The following FAM120A variants were observed in gnomAD, a reference collection of about 807,000 sequenced individuals.
FAM120A encodes constitutive coactivator of PPAR-gamma-like protein 1.
FAM120A carries 15 observed loss-of-function variants against 109.7 expected under a neutral mutation model. The ratio of observed to expected loss-of-function variants is 0.14; its 90% CI spans 0.09 to 0.21. The LOEUF (loss-of-function observed/expected upper bound fraction) is 0.21, where lower values mean the gene tolerates loss of function less well. Among genes scored for constraint, FAM120A ranks in the 10% least tolerant of loss-of-function variants. The probability of loss-of-function intolerance (pLI) is 1.00; values close to 1 mark genes in which losing one functional copy is unlikely to be tolerated. For missense variants in FAM120A, 899 were observed against 1,439.3 expected (o/e 0.62, Z 6.07); for synonymous variants, 493 against 572.8 (o/e 0.86, Z 1.99).
At chr9:93,514,224 A>G (rs1374418878) in intron 5 of FAM120A, among the ~76,000 whole-genome samples, 4 of 152,176 alleles carry the variant, frequency 2.6e-5, no homozygotes, top group African/African-American at 7.2e-5. Flanking sequence ...CTCATTCACT[A>G]TCATTAGAAG....
chr9:93,499,636 ATATT>A (rs1712019728), intron 5 of FAM120A, among the ~76,000 whole-genome samples: 2 of 152,214 alleles, frequency 1.3e-5, no homozygotes, highest in Non-Finnish European at 2.9e-5. Flanking sequence ...GGAAATAAAA[ATATT>A]TATAAGCTGT....
At chr9:93,454,414 G>A (rs1857453690) in intron 1 of FAM120A, among the ~76,000 whole-genome samples, 1 of 152,018 alleles carries the variant, frequency 6.6e-6, no homozygotes. Flanking sequence ...CAGTGATGTG[G>A]GGGGTTGGCG....
chr9:93,550,730 C>T lies in FAM120A; in HGVS notation c.2274+39C>T, dbSNP rs7038564. 83,704 of 1,529,094 alleles carry T rather than the reference C, an allele frequency of 0.055. 8,371 individuals carry two copies. The highest frequency in any genetic ancestry group is 0.43 in the African/African-American group (31,760 of 73,326). The allele number at this position is 1,529,094 out of a possible 1,614,324, so 94.7% of individuals were successfully genotyped here. The stretch of plus-strand genomic sequence containing the variant: ...CTCATTGCATTGTCTTGGACAGTCT[C>T]ACTTTGGATTTTGGTGTAATACTGC... On this transcript the variant is annotated intron_variant, in intron 12 of 17. Coordinates refer to ENST00000277165, the MANE Select transcript of FAM120A (RefSeq NM_014612.5).
intron 11 of FAM120A, among the ~76,000 whole-genome samples, chr9:93,544,941 G>A (rs532409274): frequency 1.3e-5 from 2 of 152,262 alleles, no homozygotes; most frequent in East Asian, 1.9e-4. Context: ...CCCTGTAAAG[G>A]TTTCACTCCT....
chr9:93,547,065 T>C (rs1330955945), intron 11 of FAM120A, among the ~76,000 whole-genome samples: 3 of 152,148 alleles, frequency 2.0e-5, no homozygotes, highest in Non-Finnish European at 4.4e-5. Context: ...ATCAGTCAAA[T>C]CTCTAGAATC....
At chr9:93,562,361 C>A in intron 17 of FAM120A, 57 bp downstream of exon 17, 1 of 1,366,562 alleles carries the variant, frequency 7.3e-7, no homozygotes, top group South Asian at 1.2e-5. Flanking sequence ...TGTCTCCTGT[C>A]TGAGCTTGCA....
In FAM120A at chr9:93,564,233, G is replaced by A. The variant is rs372369276; in HGVS notation, c.3050G>A (p.Arg1017Lys). ...GTTGTCCTTCATTTTAAACAGGGCAGACCTCCTTATGCTGCTTCAGCAGAA... is the reference window on the plus strand; with the variant it reads ...GTTGTCCTTCATTTTAAACAGGGCAAACCTCCTTATGCTGCTTCAGCAGAA... ...GYKNQAAIQG[R>K]PPYAASAEEV... The change falls in exon 18 of 18, where the codon AGA (arginine) becomes AAA (lysine). Residue 1017 changes from arginine (R) to lysine (K), a missense_variant. Physicochemically the swap from Arg to Lys is conservative, Grantham distance 26. Coordinates refer to ENST00000277165, the MANE Select transcript of FAM120A (RefSeq NM_014612.5). The A allele has an allele frequency of 3.1e-6, 5 of 1,608,350 alleles. No homozygotes were observed. The highest frequency in any genetic ancestry group is 4.3e-6 in the Non-Finnish European group (5 of 1,175,024).
intron 1 of FAM120A, among the ~76,000 whole-genome samples, chr9:93,465,541 C>T (rs1451140385): frequency 6.6e-6 from 1 of 152,066 alleles, no homozygotes; most frequent in African/African-American, 2.4e-5. Context: ...AATAGTCTTT[C>T]AGCTGATGTA....
Position 93,550,654 on chromosome 9 carries a change from C to A in FAM120A, c.2237C>A (p.Pro746His), listed in dbSNP as rs143135666. ...LDAFLAQALSPKLYEPDQLQE... is the reference protein window; with the variant it reads ...LDAFLAQALSHKLYEPDQLQE... ...GCCTTCCTGGCTCAGGCGCTGTCCC[C>A]CAAACTCTACGAGCCTGATCAGCTC... The change falls in exon 12 of 18, where the codon CCC (proline) becomes CAC (histidine). Residue 746 changes from proline to histidine, a missense_variant. Pro to His is a moderately conservative substitution (Grantham distance 77). This residue lies in a region of FAM120A where 52 missense variants were observed against 49.7 expected (regional missense o/e 1.05). Transcript: ENST00000277165. 17 of 1,613,820 alleles carry A rather than the reference C, an allele frequency of 1.1e-5. No individual in the cohort carries two copies. Among genetic ancestry groups the A allele is most frequent in the Non-Finnish European group, 1.4e-5 (16 of 1,180,028 alleles).
intron 12 of FAM120A, among the ~76,000 whole-genome samples, chr9:93,552,898 C>T (rs1862152966): frequency 1.3e-5 from 2 of 152,220 alleles, no homozygotes; most frequent in Non-Finnish European, 2.9e-5. Flanking sequence ...TTATCGTCCA[C>T]TCTGTGGTTG....
chr9:93,502,583 C>G (rs1859851546), intron 5 of FAM120A, among the ~76,000 whole-genome samples: 1 of 151,850 alleles, frequency 6.6e-6, no homozygotes, highest in African/African-American at 2.4e-5. Context: ...CACACACACA[C>G]ACACACACAC....
chr9:93,556,725 G>A (rs777015639), intron 13 of FAM120A, 134 bp downstream of exon 13: 52 of 809,330 alleles, frequency 6.4e-5, no homozygotes, highest in Non-Finnish European at 9.0e-5. Flanking sequence ...GGTACTGAGT[G>A]TCACTAAATA....
At chr9:93,540,336 G>T (rs2131507345) in intron 10 of FAM120A, among the ~76,000 whole-genome samples, 1 of 152,364 alleles carries the variant, frequency 6.6e-6, no homozygotes, top group East Asian at 1.9e-4. Flanking sequence ...GCAAGCCTTT[G>T]TGTCAGTCAC....
rs1356276183 is a variant in FAM120A, at chr9:93,543,295, T to C, written c.1983T>C (p.Ala661=). 2 of 1,614,112 alleles carry C rather than the reference T, an allele frequency of 1.2e-6. No individual in the cohort carries two copies. Among genetic ancestry groups the C allele is most frequent in the Non-Finnish European group, 1.7e-6 (2 of 1,180,048 alleles). ...KSPQTPELVE[A]LAFREWTCPN... is the part of the protein sequence containing the mutation. ...CTCAAACCCCGGAACTGGTTGAAGCTCTTGCCTTCAGGGAGTGGACCTGCC... is the reference window on the plus strand; with the variant it reads ...CTCAAACCCCGGAACTGGTTGAAGCCCTTGCCTTCAGGGAGTGGACCTGCC... The change falls in exon 11 of 18, where the codon GCT becomes GCC. Residue 661 remains alanine (A), a synonymous_variant. Coordinates refer to ENST00000277165, the MANE Select transcript of FAM120A (RefSeq NM_014612.5).
chr9:93,542,836 G>A (rs984496631), intron 10 of FAM120A, among the ~76,000 whole-genome samples: 1 of 152,204 alleles, frequency 6.6e-6, no homozygotes, highest in Non-Finnish European at 1.5e-5. Flanking sequence ...GATTTTGCAT[G>A]TTAAAATAAT....
rs139451738 is a variant in FAM120A, at chr9:93,538,489, G to A, written c.1910-4733G>A. On this transcript the variant is annotated intron_variant, in intron 10 of 17. Transcript: ENST00000277165. ...GGTCATAACAACCCCAGGAAAGCTC[G>A]TCAAGTATAATAGTAGCTGCTCCCT... 2.8e-3 allele frequency among the ~76,000 whole-genome samples: 424 copies of A among 152,252 alleles called. 1 individual carries two copies. The highest frequency in any genetic ancestry group is 9.6e-3 in the African/African-American group (399 of 41,534).
intron 12 of FAM120A, among the ~76,000 whole-genome samples, chr9:93,554,779 T>C (rs181299894): frequency 9.2e-5 from 14 of 152,364 alleles, no homozygotes; most frequent in Non-Finnish European, 1.8e-4. Flanking sequence ...CAAACAACTT[T>C]AGAGCAGCAT....
chr9:93,511,577 C>A (rs983658678), intron 5 of FAM120A, among the ~76,000 whole-genome samples: 1 of 152,220 alleles, frequency 6.6e-6, no homozygotes, highest in African/African-American at 2.4e-5. Context: ...TGACAGTTTC[C>A]TTTCTATAAC....
At chr9:93,488,638 A>C (rs1859176659) in intron 3 of FAM120A, among the ~76,000 whole-genome samples, 2 of 151,940 alleles carry the variant, frequency 1.3e-5, no homozygotes, top group South Asian at 4.1e-4. Flanking sequence ...TGATTTACAA[A>C]TGTCTTCATT....
Sources: allele counts gnomAD v4.1 joint callset (sites outside exome capture counted in the v4.1 genomes callset), GRCh38; gene constraint gnomAD v4.1.1; regional missense constraint gnomAD v4.1.1; transcripts MANE v1.5; gene names NCBI Gene and HGNC (gene_info 2026-07-23, HGNC 2026-07-21).